Variants in PABPC1L observed in about 807,000 individuals in gnomAD.
PABPC1L encodes poly(A) binding protein cytoplasmic 1 like, also known as polyadenylate-binding protein 1-like.
A neutral mutation model predicts 66.6 loss-of-function variants in PABPC1L; 31 were observed. That is an observed-to-expected ratio of 0.47 (90% CI 0.35 to 0.63). The LOEUF is 0.63. Ranked by LOEUF, PABPC1L falls within the 20% of genes least tolerant of loss-of-function variation. The pLI is 0.00. For missense variants in PABPC1L, 722 were observed against 848.8 expected, an observed-to-expected ratio of 0.85 and a Z score of 1.86; for synonymous variants, 348 against 335.1, an observed-to-expected ratio of 1.04 and a Z score of -0.42.
chr20:44,911,135 A>AAAAT (rs34724097), intron 1 of PABPC1L, among the ~76,000 whole-genome samples: 488 of 147,624 alleles, frequency 3.3e-3, no homozygotes, highest in East Asian at 6.0e-3. Context: ...GTGGTAACCT[A>AAAAT]AAATAAATAA....
chr20:44,916,830 C>T lies in PABPC1L; in HGVS notation c.462C>T (p.Ala154=). The T allele has an allele frequency of 1.9e-6, 3 of 1,614,180 alleles. No individual in the cohort carries two copies. Among genetic ancestry groups the T allele is most frequent in the Non-Finnish European group, 8.5e-7 (1 of 1,180,030 alleles). ...AGACCCATGAGGCCGCACAGCAGGC[C>T]ATCAACACCATGAATGGGATGCTGC... ...HFETHEAAQQ[A]INTMNGMLLN... The change falls in exon 3 of 15, where the codon GCC becomes GCT. Residue 154 remains alanine, a synonymous_variant. Coordinates refer to ENST00000217073, the MANE Select transcript of PABPC1L (RefSeq NM_001372179.1).
At position 44,933,114 on chromosome 20, in the gene PABPC1L, C is replaced by T. The variant is rs577557952; in HGVS notation, c.1388C>T (p.Pro463Leu). 89 of 1,607,750 alleles carry T rather than the reference C, an allele frequency of 5.5e-5. No homozygotes were observed. The highest frequency in any genetic ancestry group is 4.9e-4 in the Middle Eastern group (3 of 6,076). The change falls in exon 10 of 15, where the codon CCG becomes CTG. Residue 463 changes from proline (P) to leucine (L), a missense_variant. Around this residue, in one of 3 missense-constraint regions of PABPC1L, gnomAD observed 301 missense variants for 337.2 expected, o/e 0.89. Coordinates refer to ENST00000217073, the MANE Select transcript of PABPC1L (RefSeq NM_001372179.1). Reference protein sequence around the residue: ...VRPPVVPRRPPAHISSVRQAS... With the variant: ...VRPPVVPRRPLAHISSVRQAS... ...CCACCAGTTGTGCCTCGGCGCCCCC[C>T]GGCCCACATCAGCAGTGTCAGGCAG...
At chr20:44,927,776 C>T (rs976663850) in intron 7 of PABPC1L, among the ~76,000 whole-genome samples, 1 of 152,062 alleles carries the variant, frequency 6.6e-6, no homozygotes, top group East Asian at 1.9e-4. Flanking sequence ...CTGCAGCCTC[C>T]AACTCCTGGC....
chr20:44,919,282 G>T lies in PABPC1L; in HGVS notation c.738+5G>T. 6.2e-7 allele frequency: 1 copy of T among 1,614,092 alleles called. No individual in the cohort carries two copies. The highest frequency in any genetic ancestry group is 1.7e-5 in the Admixed American group (1 of 60,016). ...AAGCATGAGGAAGCCCAGAAGGTAG[G>T]AGCCTCCCCATGGCTCTGTTCTGCA... On this transcript the variant is annotated splice_donor_5th_base_variant and intron_variant, in intron 5 of 14. Transcript: ENST00000217073.
At chr20:44,917,014 G>A (rs532341773) in intron 3 of PABPC1L, 143 bp downstream of exon 3, 13 of 696,520 alleles carry the variant, frequency 1.9e-5, no homozygotes, top group South Asian at 3.4e-5. Context: ...GTGTGAGCCC[G>A]GAGCAGCTGC....
intron 8 of PABPC1L, among the ~76,000 whole-genome samples, chr20:44,931,308 G>T (rs1035170322): frequency 4.6e-5 from 7 of 151,110 alleles, no homozygotes; most frequent in Non-Finnish European, 1.5e-5. Context: ...TCCTGAGTAG[G>T]TGGGACTACA....
chr20:44,910,224 C>T lies in PABPC1L; in HGVS notation c.81C>T (p.Leu27=). The stretch of plus-strand genomic sequence containing the variant: ...ACCCCGACGTGACCGAGGCCATGCT[C>T]TATGAGAAGTTCTCTCCCGCCGGCC... ...DLHPDVTEAM[L]YEKFSPAGPI... is the part of the protein sequence containing the mutation. The change falls in exon 1 of 15, where the codon CTC becomes CTT. Residue 27 remains leucine, a synonymous_variant. Coordinates refer to ENST00000217073, the MANE Select transcript of PABPC1L (RefSeq NM_001372179.1). 2 of 1,577,080 alleles carry T rather than the reference C, an allele frequency of 1.3e-6. No homozygotes were observed. The highest frequency in any genetic ancestry group is 1.7e-6 in the Non-Finnish European group (2 of 1,161,580).
intron 1 of PABPC1L, among the ~76,000 whole-genome samples, chr20:44,912,310 A>T (rs1201541268): frequency 6.6e-6 from 1 of 152,162 alleles, no homozygotes; most frequent in Non-Finnish European, 1.5e-5. Context: ...GTACTTTAGA[A>T]TCCAGAATAG....
In PABPC1L at chr20:44,910,093, G is replaced by T; in HGVS notation, c.-51G>T. The T allele has an allele frequency of 6.8e-7, 1 of 1,479,464 alleles. No homozygotes were observed. The highest frequency in any genetic ancestry group is 9.1e-7 in the Non-Finnish European group (1 of 1,097,490). 91.6% of individuals were successfully genotyped at this position (1,479,464 alleles called of 1,614,324 possible). A position where few individuals can be genotyped will look rare whatever the true frequency, so the allele number is the denominator to read the frequency against. ...CTTCCGCCCGGGTGAGCGCGGGGCT[G>T]CTGGGTGACCCGGCTCCTGCTTGCC... On this transcript the variant is annotated 5_prime_UTR_variant, in exon 1 of 15. Coordinates refer to ENST00000217073, the MANE Select transcript of PABPC1L (RefSeq NM_001372179.1).
intron 8 of PABPC1L, 184 bp from the exon 9 acceptor site, chr20:44,932,158 G>C (rs1475825564): frequency 2.3e-6 from 1 of 427,882 alleles, no homozygotes; most frequent in Non-Finnish European, 4.1e-6. Context: ...TTGCCCTGCA[G>C]GATTCAGGGC....
chr20:44,933,465 G>T (rs1297004449), intron 10 of PABPC1L, among the ~76,000 whole-genome samples: 2 of 151,492 alleles, frequency 1.3e-5, no homozygotes, highest in African/African-American at 2.4e-5. Flanking sequence ...TTCTTTTTGA[G>T]GCAGAATTTC....
At chr20:44,919,351 T>C (rs2145561062) in intron 5 of PABPC1L, 74 bp downstream of exon 5, 1 of 1,509,798 alleles carries the variant, frequency 6.6e-7, no homozygotes, top group East Asian at 2.4e-5. Context: ...CCCAGCTGCC[T>C]GTGGAGGGGA....
chr20:44,916,115 C>G (rs370477010), intron 2 of PABPC1L, among the ~76,000 whole-genome samples: 1 of 152,070 alleles, frequency 6.6e-6, no homozygotes, highest in Non-Finnish European at 1.5e-5. Flanking sequence ...ATGAATACCC[C>G]GGTTGTTTCT....
chr20:44,935,070 GAA>G (rs576914712), intron 10 of PABPC1L, among the ~76,000 whole-genome samples: 5 of 130,048 alleles, frequency 3.8e-5, no homozygotes, highest in Non-Finnish European at 5.0e-5. Flanking sequence ...TCTGTCTCAG[GAA>G]AAAAAAAAAA....
In PABPC1L at chr20:44,935,379, T is replaced by C. The variant is rs990031612; in HGVS notation, c.1460-12T>C. The C allele has an allele frequency of 3.7e-6, 6 of 1,609,916 alleles. No individual in the cohort carries two copies. In the Admixed American group the frequency reaches 6.7e-5, roughly 18 times the overall value. On this transcript the variant is annotated splice_polypyrimidine_tract_variant and intron_variant, in intron 10 of 14. Transcript: ENST00000217073. ...CTCTGCTTTTTTTGTTTTGTTTTGT[T>C]TTGTTTTGCAGCCAACATTGGTACT... is the stretch of plus-strand genomic sequence containing the variant.
Position 44,938,067 on chromosome 20 carries a change from G to A in PABPC1L, c.1667G>A (p.Arg556His), listed in dbSNP as rs370341823. The A allele has an allele frequency of 3.4e-5, 55 of 1,614,020 alleles. No homozygotes were observed. The highest frequency in any genetic ancestry group is 1.3e-4 in the Admixed American group (8 of 59,996). Residue 556 changes from arginine to histidine, a missense_variant, in exon 13 of 15, where the codon CGT (arginine) becomes CAT (histidine). Around this residue, in one of 3 missense-constraint regions of PABPC1L, gnomAD observed 301 missense variants for 337.2 expected, o/e 0.89. Transcript: ENST00000217073. ...LHEQKQMIGE[R>H]LYPLIHDVHT... ...TAGAAGGTGTTCCACACAGGGGAGCGTCTCTACCCCCTTATCCATGATGTC... is the reference window on the plus strand; with the variant it reads ...TAGAAGGTGTTCCACACAGGGGAGCATCTCTACCCCCTTATCCATGATGTC...
intron 8 of PABPC1L, 112 bp from the exon 9 acceptor site, chr20:44,932,230 C>G (rs1601122888): frequency 1.4e-6 from 1 of 724,732 alleles, no homozygotes; most frequent in East Asian, 2.9e-5. Flanking sequence ...TCTTGACTCA[C>G]CAGTCCCTGC....
At chr20:44,928,864 C>CAAAAAAAAAAAAAAAAAAA (rs10597679) in intron 7 of PABPC1L, among the ~76,000 whole-genome samples, 3 of 54,352 alleles carry the variant, frequency 5.5e-5, no homozygotes, top group East Asian at 6.2e-4. Context: ...GATCCTGACT[C>CAAAAAAAAAAAAAAAAAAA]AAAAAAAAAA....
rs118151081 is a variant in PABPC1L at position 44,913,587 on chromosome 20, A to C, written c.387+734A>C. Among the ~76,000 whole-genome samples the C allele has an allele frequency of 8.5e-5, 13 of 152,080 alleles. No individual in the cohort carries two copies. The East Asian group carries it at 2.5e-3, about 29-fold the overall frequency. ...AGGTGCGAGCCACCATGCCTGGATA[A>C]TTTTTGTATGTTTAGTGGAGACAGG... On this transcript the variant is annotated intron_variant, in intron 2 of 14. Transcript: ENST00000217073.
Sources: allele counts gnomAD v4.1 joint callset (sites outside exome capture counted in the v4.1 genomes callset), GRCh38; gene constraint gnomAD v4.1.1; regional missense constraint gnomAD v4.1.1; transcripts MANE v1.5; gene names NCBI Gene and HGNC (gene_info 2026-07-23, HGNC 2026-07-21).